The following C16orf96 variants were observed in gnomAD, a reference collection of about 807,000 sequenced individuals.
The protein encoded by C16orf96 is chromosome 16 open reading frame 96.
C16orf96 carries 108 observed loss-of-function variants against 103.6 expected under a neutral mutation model. That is an observed-to-expected ratio of 1.04 (90% confidence interval 0.89 to 1.22). The LOEUF (loss-of-function observed/expected upper bound fraction) is 1.22, where lower values mean the gene tolerates loss of function less well. C16orf96 is among the 50% of genes most tolerant of loss of function. C16orf96 has a pLI of 0.00. For synonymous variants in C16orf96, 566 were observed against 593.5 expected, an observed-to-expected ratio of 0.95 and a Z score of 0.67; for missense variants, 1,586 against 1,464.2, an observed-to-expected ratio of 1.08 and a Z score of -1.36.
At chr16:4,589,857 C>G (rs376794002) in intron 9 of C16orf96, among the ~76,000 whole-genome samples, 2 of 152,230 alleles carry the variant, frequency 1.3e-5, no homozygotes, top group East Asian at 3.8e-4. Flanking sequence ...GGCACGGTGG[C>G]TCACGCCTGT....
chr16:4,571,388 A>G (rs2059436696), intron 1 of C16orf96, among the ~76,000 whole-genome samples, 173 bp from the exon 2 acceptor site: 1 of 152,220 alleles, frequency 6.6e-6, no homozygotes. Context: ...CTTGGAGATG[A>G]GAGCACTGTT....
At chr16:4,589,862 G>T (rs931798860) in intron 9 of C16orf96, among the ~76,000 whole-genome samples, 2 of 150,720 alleles carry the variant, frequency 1.3e-5, no homozygotes, top group African/African-American at 4.9e-5. Flanking sequence ...GGTGGCTCAC[G>T]CCTGTAATCC....
At chr16:4,584,902 C>A (rs903813587) in intron 7 of C16orf96, among the ~76,000 whole-genome samples, 1 of 152,042 alleles carries the variant, frequency 6.6e-6, no homozygotes, top group Non-Finnish European at 1.5e-5. Flanking sequence ...AACTCCTGAC[C>A]CCAAGTGATC....
chr16:4,562,046 C>A (rs1271962074), intron 1 of C16orf96, among the ~76,000 whole-genome samples: 1 of 152,062 alleles, frequency 6.6e-6, no homozygotes, highest in Non-Finnish European at 1.5e-5. Context: ...AAACCTTTAA[C>A]TTATTGGTCT....
the C16orf96 span, among the ~76,000 whole-genome samples, chr16:4,544,899 G>A: frequency 5.9e-5 from 9 of 152,226 alleles, no homozygotes; most frequent in East Asian, 1.9e-4. Flanking sequence ...ACGTAAAGGC[G>A]GTATTCCTCG....
rs1381736514 is a variant in C16orf96, at chr16:4,575,039, A to G, written c.674A>G (p.His225Arg). The G allele has an allele frequency of 1.9e-6, 3 of 1,551,394 alleles. No homozygotes were observed. In the African/African-American group the frequency reaches 4.1e-5, roughly 21 times the overall value. Residue 225 changes from histidine to arginine, a missense_variant, in exon 4 of 16, where the codon CAT becomes CGT. His to Arg is a conservative substitution (Grantham distance 29, BLOSUM62 0). Coordinates refer to ENST00000444310, the MANE Select transcript of C16orf96 (RefSeq NM_001145011.2). ...TEDMVLWSGL[H>R]DAMFTSEIGS... ...GACATGGTGCTCTGGAGTGGCCTTCATGATGCCATGTTCACCTCAGTGAGT... is the reference window on the plus strand; with the variant it reads ...GACATGGTGCTCTGGAGTGGCCTTCGTGATGCCATGTTCACCTCAGTGAGT...
chr16:4,576,727 C>A, intron 5 of C16orf96, 92 bp downstream of exon 5: 2 of 1,237,538 alleles, frequency 1.6e-6, no homozygotes, highest in Non-Finnish European at 1.1e-6. Context: ...CTGGGCTCCA[C>A]CAACAAAATC....
chr16:4,559,963 G>C (rs2059310393), intron 1 of C16orf96: 1 of 152,126 alleles, frequency 6.6e-6, no homozygotes, highest in South Asian at 2.1e-4. Context: ...AAGTGTCTTG[G>C]AAGTAGATAG....
At chr16:4,579,088 T>G in intron 6 of C16orf96, 63 bp downstream of exon 6, 1 of 1,392,402 alleles carries the variant, frequency 7.2e-7, no homozygotes, top group African/African-American at 1.4e-5. Flanking sequence ...GGCTGAAGAC[T>G]CCTTGACTCT....
Position 4,575,631 on chromosome 16 carries a change from G to C in C16orf96, c.1151G>C (p.Gly384Ala). ...CCAGGTGCCCAGCCTCCACCACTGG[G>C]AGACTGGCCTGCACTCCCAAGACGC... ...PAPGAQPPPL[G>A]DWPALPRRWP... Residue 384 changes from glycine to alanine, a missense_variant, in exon 5 of 16, where the codon GGA becomes GCA. By Grantham distance (60) the Gly-to-Ala change is moderately conservative. Coordinates refer to ENST00000444310, the MANE Select transcript of C16orf96 (RefSeq NM_001145011.2). The C allele has an allele frequency of 6.5e-7, 1 of 1,527,888 alleles. No individual in the cohort carries two copies. Among genetic ancestry groups the C allele is most frequent in the South Asian group, 1.2e-5 (1 of 80,474 alleles). The allele number at this position is 1,527,888 out of a possible 1,614,324, so 94.6% of individuals were successfully genotyped here. A position where few individuals can be genotyped will look rare whatever the true frequency, so the allele number is the denominator to read the frequency against.
the C16orf96 span, among the ~76,000 whole-genome samples, chr16:4,541,071 G>A: frequency 2.6e-5 from 4 of 152,030 alleles, no homozygotes; most frequent in African/African-American, 9.6e-5. Flanking sequence ...CTGCTACCAC[G>A]CCTGGCTAAT....
intron 2 of C16orf96, among the ~76,000 whole-genome samples, chr16:4,574,330 C>G (rs1409204612): frequency 6.6e-6 from 1 of 152,118 alleles, no homozygotes; most frequent in African/African-American, 2.4e-5. Flanking sequence ...TCAAGTGATT[C>G]TCCTGCCTCA....
intron 14 of C16orf96, among the ~76,000 whole-genome samples, chr16:4,597,849 G>A (rs914214555): frequency 3.3e-5 from 5 of 152,102 alleles, no homozygotes; most frequent in African/African-American, 4.8e-5. Context: ...GAGCCACTGC[G>A]CCCGGCCTCA....
At position 4,571,668 on chromosome 16, in the gene C16orf96, A is replaced by G. The variant is rs1257017215; in HGVS notation, c.525+3A>G. The G allele has an allele frequency of 1.3e-6, 2 of 1,551,026 alleles. No individual in the cohort carries two copies. Among genetic ancestry groups the G allele is most frequent in the Non-Finnish European group, 1.7e-6 (2 of 1,146,418 alleles). On this transcript the variant is annotated splice_donor_region_variant and intron_variant, in intron 2 of 15. Coordinates refer to ENST00000444310, the MANE Select transcript of C16orf96 (RefSeq NM_001145011.2). Reference sequence around the variant, plus strand: ...TGCTGAAGAACATGCTTGACAAGGTAGGCCCTCCCCCAGCATCCTCCATGC... The same window carrying G: ...TGCTGAAGAACATGCTTGACAAGGTGGGCCCTCCCCCAGCATCCTCCATGC...
chr16:4,600,220 A>G lies in C16orf96; in HGVS notation c.3329A>G (p.Asp1110Gly), dbSNP rs771696989. Residue 1110 changes from aspartate (D) to glycine (G), a missense_variant, in exon 16 of 16, where the codon GAC becomes GGC. Asp to Gly is a moderately conservative substitution (Grantham distance 94, BLOSUM62 -1). Coordinates refer to ENST00000444310, the MANE Select transcript of C16orf96 (RefSeq NM_001145011.2). ...CCACCGCTGATTCCATCCCTAAGGG[A>G]CCCCCAGCAGGCCCCAGGGTCCACC... ...LLPPLIPSLR[D>G]PQQAPGSTRL... 4.5e-5 allele frequency: 69 copies of G among 1,550,378 alleles called. 1 individual carries two copies. The Middle Eastern group carries it at 6.7e-4, about 15-fold the overall frequency.
At chr16:4,570,463 CTTT>C (rs59843201) in intron 1 of C16orf96, among the ~76,000 whole-genome samples, 20 of 91,446 alleles carry the variant, frequency 2.2e-4, no homozygotes, top group Non-Finnish European at 1.6e-4. Flanking sequence ...TCACAACACG[CTTT>C]TTTTTTTTTT....
intron 1 of C16orf96, among the ~76,000 whole-genome samples, chr16:4,566,950 A>G (rs1469641086): frequency 6.6e-6 from 1 of 151,906 alleles, no homozygotes; most frequent in East Asian, 1.9e-4. Context: ...TCAATTAACC[A>G]GTGTTTAGTT....
At chr16:4,591,562 G>A (rs957756797) in intron 9 of C16orf96, 104 bp from the exon 10 acceptor site, 7 of 892,486 alleles carry the variant, frequency 7.8e-6, no homozygotes, top group African/African-American at 5.0e-5. Flanking sequence ...GTTGAATTTT[G>A]TTACACCGTG....
chr16:4,599,870 G>C (rs1352071514), intron 15 of C16orf96, among the ~76,000 whole-genome samples: 1 of 152,290 alleles, frequency 6.6e-6, no homozygotes, highest in South Asian at 2.1e-4. Context: ...TCTCCCGGGG[G>C]CTCTGCTCCA....
Sources: allele counts gnomAD v4.1 joint callset (sites outside exome capture counted in the v4.1 genomes callset), GRCh38; gene constraint gnomAD v4.1.1; transcripts MANE v1.5; gene names NCBI Gene and HGNC (gene_info 2026-07-23, HGNC 2026-07-21).